The following ZNF536 variants were observed in gnomAD, a reference collection of about 807,000 sequenced individuals.
ZNF536 encodes the protein zinc finger protein 536.
A neutral mutation model predicts 84.5 loss-of-function variants in ZNF536; 13 were observed. The ratio of observed to expected loss-of-function variants is 0.15; its 90% CI spans 0.10 to 0.24. ZNF536 has a LOEUF of 0.24. ZNF536 is among the 10% of genes least tolerant of loss of function. The probability of loss-of-function intolerance (pLI) is 1.00; values close to 1 mark genes in which losing one functional copy is unlikely to be tolerated. For synonymous variants in ZNF536, 811 were observed against 742.5 expected (o/e 1.09, Z -1.50); for missense variants, 1,536 against 1,747.5 (o/e 0.88, Z 2.16).
chr19:30,354,050 GA>G (rs1489630514), intron 3 of ZNF536, among the ~76,000 whole-genome samples: 1 of 152,190 alleles, frequency 6.6e-6, no homozygotes, highest in Non-Finnish European at 1.5e-5. Context: ...GATGGGTAGG[GA>G]AGAGAAGGAT....
At position 30,635,231 on chromosome 19, in the gene ZNF536, A is replaced by G. The variant is rs558152574; in HGVS notation, c.170-75526A>G. On this transcript the variant is annotated intron_variant, in intron 1 of 1. Transcript: ENST00000592773. ...TCCCATCCCAAACAACGCTAAGTAA[A>G]GAAACAGGCATATGGCGTGGATTGG... 3.3e-5 allele frequency among the ~76,000 whole-genome samples: 5 copies of G among 152,366 alleles called. No homozygotes were observed. The South Asian group carries it at 1.0e-3, about 32-fold the overall frequency.
At chr19:30,426,198 T>G (rs1204200905) in intron 1 of ZNF536, among the ~76,000 whole-genome samples, 1 of 152,218 alleles carries the variant, frequency 6.6e-6, no homozygotes, top group Non-Finnish European at 1.5e-5. Context: ...CTCTGGCTAT[T>G]AAAAACCTGC....
chr19:30,616,959 T>A (rs2048317814), intron 1 of ZNF536, among the ~76,000 whole-genome samples: 1 of 152,162 alleles, frequency 6.6e-6, no homozygotes, highest in African/African-American at 2.4e-5. Flanking sequence ...TTGTGTTATT[T>A]TATATATATT....
chr19:30,517,250 A>C (rs1405097358), intron 2 of ZNF536, among the ~76,000 whole-genome samples: 1 of 152,206 alleles, frequency 6.6e-6, no homozygotes, highest in Non-Finnish European at 1.5e-5. Context: ...TTGAAATAAC[A>C]GACCCATCAT....
At chr19:30,250,851 T>C (rs2024566014) in intron 1 of ZNF536, among the ~76,000 whole-genome samples, 1 of 151,974 alleles carries the variant, frequency 6.6e-6, no homozygotes, top group Admixed American at 6.5e-5. Context: ...TGTTGGGTTT[T>C]TTTTTTTTTT....
chr19:30,371,566 T>C (rs1314593863), upstream of ZNF536, among the ~76,000 whole-genome samples: 1 of 151,138 alleles, frequency 6.6e-6, no homozygotes, highest in Admixed American at 6.6e-5. Context: ...TTGTTTTTTT[T>C]TTTTTGTTTT....
intron 2 of ZNF536, 73 bp from the exon 3 acceptor site, chr19:30,534,774 T>TCTCC: frequency 6.8e-7 from 1 of 1,478,612 alleles, no homozygotes; most frequent in Non-Finnish European, 9.1e-7. Context: ...CTTTGTGTGG[T>TCTCC]GTTAGCAGTT....
intron 1 of ZNF536, among the ~76,000 whole-genome samples, chr19:30,405,192 G>A (rs2050214349): frequency 6.6e-6 from 1 of 152,136 alleles, no homozygotes; most frequent in Non-Finnish European, 1.5e-5. Context: ...TCAGAATATA[G>A]GGTGAGACCC....
chr19:30,453,037 G>A lies in ZNF536; in HGVS notation c.2170+7305G>A, dbSNP rs1397764136. Reference sequence around the variant, plus strand: ...ATCTCCCCAGGAAGTGAGCTTTGCTGCAGCTGAGAGCGGCCATGGGTCCCC... The same window carrying A: ...ATCTCCCCAGGAAGTGAGCTTTGCTACAGCTGAGAGCGGCCATGGGTCCCC... On this transcript the variant is annotated intron_variant, in intron 2 of 4. Coordinates refer to ENST00000355537, the MANE Select transcript of ZNF536 (RefSeq NM_014717.3). 2.6e-5 allele frequency among the ~76,000 whole-genome samples: 4 copies of A among 152,176 alleles called. No homozygotes were observed. The South Asian group carries it at 6.2e-4, about 24-fold the overall frequency.
At chr19:30,588,213 C>T (rs2047161478) in intron 1 of ZNF536, among the ~76,000 whole-genome samples, 1 of 152,194 alleles carries the variant, frequency 6.6e-6, no homozygotes, top group Admixed American at 6.5e-5. Context: ...GCAGACAGCA[C>T]CCTAGCAGAA....
chr19:30,692,707 C>T (rs1237016252), intron 1 of ZNF536, among the ~76,000 whole-genome samples: 1 of 152,158 alleles, frequency 6.6e-6, no homozygotes, highest in African/African-American at 2.4e-5. Context: ...CCCAAGACTC[C>T]GGCTCCTGGC....
chr19:30,393,574 C>T (rs1303062359), intron 1 of ZNF536, among the ~76,000 whole-genome samples: 1 of 152,120 alleles, frequency 6.6e-6, no homozygotes, highest in African/African-American at 2.4e-5. Context: ...GCTCACGGAG[C>T]CTCTGGTCCT....
At chr19:30,673,758 C>T (rs994601733) in intron 1 of ZNF536, among the ~76,000 whole-genome samples, 2 of 152,204 alleles carry the variant, frequency 1.3e-5, no homozygotes, top group Admixed American at 6.5e-5. Flanking sequence ...ACGCACGTCC[C>T]GATGTCAGGT....
At position 30,273,209 on chromosome 19, in the gene ZNF536, T is replaced by TTGTG. The variant is rs59032608; in HGVS notation, c.-189-10843_-189-10840dup. Among the ~76,000 whole-genome samples, 926 of 150,436 alleles carry TTGTG rather than the reference T, an allele frequency of 6.2e-3. 12 individuals carry two copies. Among genetic ancestry groups the TTGTG allele is most frequent in the African/African-American group, 0.021 (859 of 41,062 alleles). On this transcript the variant is annotated intron_variant, in intron 1 of 5. Coordinates refer to the ZNF536 transcript ENST00000585628. The stretch of plus-strand genomic sequence containing the variant: ...GAACCACTGCACCTGGCCATGCAGA[T>TTGTG]TGTGTGTGTGTGTGTGTGTGTGTAT...
rs565445702 is a variant in ZNF536, at chr19:30,549,228, C to T, written c.3609C>T (p.Ser1203=). Residue 1203 remains serine, a synonymous_variant, in exon 4 of 5, where the codon AGC becomes AGT. Transcript: ENST00000355537. ...PLSALSKDSS[S]DGGDSLQPTG... ...CTGCCCTCAGCAAAGACAGCAGCAG[C>T]GATGGCGGGGACAGCCTGCAGCCCA... The T allele has an allele frequency of 1.6e-5, 26 of 1,614,054 alleles. No homozygotes were observed. The highest frequency in any genetic ancestry group is 2.7e-5 in the African/African-American group (2 of 75,068).
chr19:30,516,137 A>T (rs2044064235), intron 2 of ZNF536, among the ~76,000 whole-genome samples: 1 of 152,158 alleles, frequency 6.6e-6, no homozygotes. Context: ...CAGAGAGACA[A>T]GGGCAGAAGG....
intron 1 of ZNF536, among the ~76,000 whole-genome samples, chr19:30,242,930 T>G (rs2024035982): frequency 6.6e-6 from 1 of 152,232 alleles, no homozygotes; most frequent in Admixed American, 6.5e-5. Flanking sequence ...TTTAAATGGT[T>G]AAGTAAATTT....
intron 2 of ZNF536, among the ~76,000 whole-genome samples, chr19:30,510,782 G>A (rs1024364980): frequency 3.3e-5 from 5 of 152,142 alleles, no homozygotes; most frequent in African/African-American, 7.2e-5. Flanking sequence ...TATCCTCATC[G>A]CCTTGGACTG....
intron 1 of ZNF536, among the ~76,000 whole-genome samples, chr19:30,677,325 A>T (rs1204825663): frequency 6.6e-6 from 1 of 152,214 alleles, no homozygotes; most frequent in African/African-American, 2.4e-5. Flanking sequence ...AGATCTCAAC[A>T]GCCAGGTGAC....
Sources: gnomAD v4.1 joint callset for allele counts (sites outside exome capture counted in the v4.1 genomes callset) on GRCh38, gnomAD v4.1.1 for gene constraint, MANE v1.5 for transcripts, NCBI Gene and HGNC (gene_info 2026-07-23, HGNC 2026-07-21) for gene names.